Variants in CNTNAP4 observed in about 807,000 individuals in gnomAD.
CNTNAP4 encodes the protein contactin-associated protein-like 4.
In CNTNAP4, 98 loss-of-function variants were observed where a neutral mutation model predicts 148.4. That is an observed-to-expected ratio of 0.66 (90% confidence interval 0.56 to 0.78). The LOEUF is 0.78. Ranked by LOEUF, CNTNAP4 falls within the 30% of genes least tolerant of loss-of-function variation. The probability of loss-of-function intolerance (pLI) is 0.00; values close to 1 mark genes in which losing one functional copy is unlikely to be tolerated. For synonymous variants in CNTNAP4, 730 were observed against 565.1 expected (o/e 1.29, Z -4.14); for missense variants, 1,935 against 1,565.6 (o/e 1.24, Z -3.98).
At position 76,462,103 on chromosome 16, in the gene CNTNAP4, G is replaced by A. The variant is rs1314580767; in HGVS notation, c.1481G>A (p.Gly494Glu). ...QIYSGGTYYF[G>E]GCPDKSFGSK... Reference sequence around the variant, plus strand: ...TATTCGGGTGGCACCTATTATTTTGGAGGTAAGAATAGGTGCCAGGCTCTA... The same window carrying A: ...TATTCGGGTGGCACCTATTATTTTGAAGGTAAGAATAGGTGCCAGGCTCTA... Residue 494 changes from glycine (G) to glutamate (E), a missense_variant and splice_region_variant, in exon 9 of 24, where the codon GGA (glycine) becomes GAA (glutamate). By Grantham distance (98) the Gly-to-Glu change is moderately conservative. Coordinates refer to ENST00000611870, the MANE Select transcript of CNTNAP4 (RefSeq NM_033401.5). 2.5e-6 allele frequency: 4 copies of A among 1,612,642 alleles called. No homozygotes were observed. Among genetic ancestry groups the A allele is most frequent in the Non-Finnish European group, 2.5e-6 (3 of 1,179,312 alleles).
chr16:76,449,867 C>G lies in CNTNAP4; in HGVS notation c.1071+9C>G, dbSNP rs758238683. 6.3e-7 allele frequency: 1 copy of G among 1,593,538 alleles called. No individual in the cohort carries two copies. The highest frequency in any genetic ancestry group is 8.5e-7 in the Non-Finnish European group (1 of 1,172,808). On this transcript the variant is annotated intron_variant, in intron 7 of 23. Transcript: ENST00000611870. ...CACAGATCATTGCTATGGTGAGAGT[C>G]TTTATGCGAAGACATTAGTAAAACT...
chr16:76,388,872 T>A (rs1469076955), intron 3 of CNTNAP4, among the ~76,000 whole-genome samples: 1 of 152,224 alleles, frequency 6.6e-6, no homozygotes, highest in Non-Finnish European at 1.5e-5. Context: ...CATGCTCTGC[T>A]TCCATTGTAG....
chr16:76,339,708 T>C (rs1964311891), intron 2 of CNTNAP4, among the ~76,000 whole-genome samples: 1 of 152,228 alleles, frequency 6.6e-6, no homozygotes, highest in African/African-American at 2.4e-5. Flanking sequence ...CTAATTTATT[T>C]CCATTTCTCT....
intron 1 of CNTNAP4, among the ~76,000 whole-genome samples, chr16:76,284,316 A>G (rs114717910): frequency 0.014 from 2,163 of 151,978 alleles, 47 homozygotes; most frequent in African/African-American, 0.049. Context: ...ATATTTAGGA[A>G]TACTCTTTAA....
At chr16:76,376,605 G>A (rs904267373) in intron 3 of CNTNAP4, among the ~76,000 whole-genome samples, 2 of 152,186 alleles carry the variant, frequency 1.3e-5, no homozygotes, top group Non-Finnish European at 2.9e-5. Context: ...AGAGCCCAGC[G>A]TTGGCCAAAG....
At chr16:76,322,095 C>A (rs1962481536) in intron 2 of CNTNAP4, among the ~76,000 whole-genome samples, 1 of 152,142 alleles carries the variant, frequency 6.6e-6, no homozygotes, top group African/African-American at 2.4e-5. Flanking sequence ...TTATTTGCTT[C>A]TAGACCAACT....
chr16:76,446,808 A>G (rs1482715652), intron 4 of CNTNAP4, among the ~76,000 whole-genome samples: 1 of 152,216 alleles, frequency 6.6e-6, no homozygotes, highest in Non-Finnish European at 1.5e-5. Flanking sequence ...CTATGTGTGT[A>G]TATTTGTGTA....
intron 18 of CNTNAP4, 78 bp downstream of exon 18, chr16:76,535,862 G>C (rs564998172): frequency 2.1e-6 from 3 of 1,463,038 alleles, no homozygotes; most frequent in Non-Finnish European, 1.8e-6. Context: ...TTTCTATGCA[G>C]CTATTTGAAA....
At chr16:76,515,060 C>T (rs2144038782) in intron 15 of CNTNAP4, among the ~76,000 whole-genome samples, 1 of 152,066 alleles carries the variant, frequency 6.6e-6, no homozygotes, top group African/African-American at 2.4e-5. Flanking sequence ...ACATCGAAAG[C>T]ACAATCCGTA....
intron 7 of CNTNAP4, 104 bp downstream of exon 7, chr16:76,449,962 A>T (rs1374049193): frequency 2.2e-6 from 2 of 921,170 alleles, no homozygotes; most frequent in Non-Finnish European, 3.1e-6. Flanking sequence ...TTTTAGAGGT[A>T]CTCTTATTTA....
chr16:76,546,193 C>A lies in CNTNAP4; in HGVS notation c.3442+5403C>A, dbSNP rs567533282. 5.3e-3 allele frequency among the ~76,000 whole-genome samples: 808 copies of A among 152,158 alleles called. 7 individuals carry two copies. The highest frequency in any genetic ancestry group is 0.014 in the Middle Eastern group (4 of 294). ...GATTGGCTGGGGTGTGAACATGGAA[C>A]CTGTGAAGTGGAGAGAGGGCACTAT... On this transcript the variant is annotated intron_variant, in intron 21 of 23. Coordinates refer to ENST00000611870, the MANE Select transcript of CNTNAP4 (RefSeq NM_033401.5).
chr16:76,521,876 T>C (rs1395454513), intron 16 of CNTNAP4, among the ~76,000 whole-genome samples, 163 bp from the exon 17 acceptor site: 1 of 152,216 alleles, frequency 6.6e-6, no homozygotes, highest in Non-Finnish European at 1.5e-5. Context: ...GACCTAGCTC[T>C]GTGTCAGTGT....
At chr16:76,488,941 AT>A (rs1384306682) in intron 12 of CNTNAP4, among the ~76,000 whole-genome samples, 1 of 152,168 alleles carries the variant, frequency 6.6e-6, no homozygotes, top group East Asian at 1.9e-4. Context: ...ACTCAAAGAT[AT>A]TTTACTTTTG....
intron 2 of CNTNAP4, among the ~76,000 whole-genome samples, chr16:76,318,407 T>G (rs1276692255): frequency 6.6e-6 from 1 of 152,194 alleles, no homozygotes; most frequent in African/African-American, 2.4e-5. Flanking sequence ...GTGGGACTCA[T>G]TTTCATTCTT....
intron 3 of CNTNAP4, among the ~76,000 whole-genome samples, chr16:76,377,688 C>T (rs2015558519): frequency 6.6e-6 from 1 of 152,148 alleles, no homozygotes; most frequent in Admixed American, 6.5e-5. Context: ...CACCAGCTGA[C>T]ACTCATAAAA....
chr16:76,473,871 GTT>G (rs56987506), intron 10 of CNTNAP4, among the ~76,000 whole-genome samples: 604 of 22,614 alleles, frequency 0.027, 9 homozygotes, highest in Non-Finnish European at 0.097. Context: ...GTTTTGTTTT[GTT>G]TTTTAATCTG....
rs374688051 is a variant in CNTNAP4 at position 76,560,077 on chromosome 16, A to C, written c.*1394A>C. On this transcript the variant is annotated 3_prime_UTR_variant, in exon 24 of 24. Transcript: ENST00000611870. ...ATCAATAACCTTATGGAACTGTTACAATAATTAATCTTGAGACCATGCATA... is the reference window on the plus strand; with the variant it reads ...ATCAATAACCTTATGGAACTGTTACCATAATTAATCTTGAGACCATGCATA... 7.9e-5 allele frequency among the ~76,000 whole-genome samples: 12 copies of C among 152,274 alleles called. No homozygotes were observed. The South Asian group carries it at 2.3e-3, about 29-fold the overall frequency.
intron 11 of CNTNAP4, among the ~76,000 whole-genome samples, chr16:76,478,013 G>C (rs1478635029): frequency 6.6e-6 from 1 of 152,162 alleles, no homozygotes; most frequent in East Asian, 1.9e-4. Context: ...ACTATTCCGA[G>C]AAATGAAGCC....
intron 12 of CNTNAP4, among the ~76,000 whole-genome samples, chr16:76,480,958 A>G (rs1184121927): frequency 1.3e-5 from 2 of 152,190 alleles, no homozygotes; most frequent in East Asian, 3.9e-4. Flanking sequence ...GTCTTGAAGA[A>G]CAAATTTGAA....
Sources: allele counts gnomAD v4.1 joint callset (sites outside exome capture counted in the v4.1 genomes callset), GRCh38; gene constraint gnomAD v4.1.1; transcripts MANE v1.5; gene names NCBI Gene and HGNC (gene_info 2026-07-23, HGNC 2026-07-21).